MAPRE2: variants seen among roughly 807,000 people sequenced by gnomAD.
MAPRE2 encodes microtubule-associated protein RP/EB family member 2.
In MAPRE2, 13 loss-of-function variants were observed where a neutral mutation model predicts 43.2. The ratio of observed to expected loss-of-function variants is 0.30; its 90% CI spans 0.20 to 0.48. MAPRE2 has a LOEUF of 0.48. MAPRE2 is among the 20% of genes least tolerant of loss of function. The pLI, the probability that MAPRE2 is intolerant of heterozygous loss-of-function variation, is 0.99. For missense variants in MAPRE2, 161 were observed against 400.2 expected, an observed-to-expected ratio of 0.40 and a Z score of 5.10; for synonymous variants, 135 against 148.8, an observed-to-expected ratio of 0.91 and a Z score of 0.68.
At chr18:35,056,768 T>G (rs1011927280) in intron 1 of MAPRE2, among the ~76,000 whole-genome samples, 1 of 152,248 alleles carries the variant, frequency 6.6e-6, no homozygotes, top group Non-Finnish European at 1.5e-5. Context: ...TATTAACTAA[T>G]TGTTACTGTT....
chr18:35,073,297 A>T (rs1199985333), intron 2 of MAPRE2, among the ~76,000 whole-genome samples: 1 of 152,130 alleles, frequency 6.6e-6, no homozygotes, highest in Non-Finnish European at 1.5e-5. Context: ...CTATTTATTT[A>T]TTTATGAAAT....
chr18:35,117,256 C>T (rs1909454007), intron 4 of MAPRE2, among the ~76,000 whole-genome samples: 1 of 152,180 alleles, frequency 6.6e-6, no homozygotes, highest in Admixed American at 6.5e-5. Flanking sequence ...ATGGGGCTCA[C>T]CGCGGAGTTC....
chr18:35,070,454 G>A (rs1907054099), intron 2 of MAPRE2, 132 bp downstream of exon 2: 2 of 736,012 alleles, frequency 2.7e-6, no homozygotes, highest in Non-Finnish European at 4.0e-6. Flanking sequence ...AATTAAAGGG[G>A]GAAAAACTCA....
intron 2 of MAPRE2, among the ~76,000 whole-genome samples, chr18:35,075,754 C>CA (rs535904308): frequency 4.3e-4 from 60 of 139,882 alleles, no homozygotes; most frequent in South Asian, 3.9e-3. Flanking sequence ...AAGAAGGGGA[C>CA]AAAAAAAAAA....
At chr18:35,030,064 A>T (rs555437980) in intron 2 of MAPRE2, among the ~76,000 whole-genome samples, 3 of 152,318 alleles carry the variant, frequency 2.0e-5, no homozygotes, top group African/African-American at 7.2e-5. Context: ...AGGACAAGAA[A>T]ATTATTTTTT....
intron 1 of MAPRE2, among the ~76,000 whole-genome samples, chr18:35,054,396 G>T (rs1351554690): frequency 6.6e-6 from 1 of 152,132 alleles, no homozygotes; most frequent in East Asian, 1.9e-4. Flanking sequence ...AATGTCCTAG[G>T]CCTACTACTA....
chr18:35,039,042 G>A (rs1037979668), upstream of MAPRE2, among the ~76,000 whole-genome samples: 1 of 152,164 alleles, frequency 6.6e-6, no homozygotes, highest in African/African-American at 2.4e-5. Flanking sequence ...AAATTAGTTG[G>A]TATGATCAAT....
intron 4 of MAPRE2, among the ~76,000 whole-genome samples, chr18:35,107,030 A>C (rs1046270989): frequency 2.0e-5 from 3 of 152,222 alleles, no homozygotes; most frequent in African/African-American, 4.8e-5. Flanking sequence ...TGTAGTTACT[A>C]TAGCAACGAC....
At chr18:35,017,972 G>A (rs2097039502) in intron 2 of MAPRE2, among the ~76,000 whole-genome samples, 1 of 151,656 alleles carries the variant, frequency 6.6e-6, no homozygotes, top group Non-Finnish European at 1.5e-5. Flanking sequence ...GTCATAGATG[G>A]CTCTTATTAT....
At chr18:35,063,296 AT>A (rs1906642144) in intron 1 of MAPRE2, among the ~76,000 whole-genome samples, 1 of 151,606 alleles carries the variant, frequency 6.6e-6, no homozygotes, top group East Asian at 1.9e-4. Context: ...TTTAGTAGAG[AT>A]GGGGTTTCAC....
At chr18:35,125,480 C>G (rs2144234030) in intron 4 of MAPRE2, among the ~76,000 whole-genome samples, 1 of 152,344 alleles carries the variant, frequency 6.6e-6, no homozygotes, top group East Asian at 1.9e-4. Flanking sequence ...GTGCTACGCA[C>G]TGGGGTTACA....
chr18:35,087,436 G>A (rs939202060), intron 2 of MAPRE2, among the ~76,000 whole-genome samples: 2 of 152,078 alleles, frequency 1.3e-5, no homozygotes, highest in African/African-American at 4.8e-5. Flanking sequence ...AGCTTTTAAA[G>A]CTTATCTTTT....
At chr18:35,043,990 C>T (rs1199431034) in intron 1 of MAPRE2, among the ~76,000 whole-genome samples, 16 of 152,144 alleles carry the variant, frequency 1.1e-4, no homozygotes, top group Non-Finnish European at 1.5e-5. Flanking sequence ...GCTGAGGAAA[C>T]TTGGAAGGCA....
At chr18:35,021,340 A>G (rs9951874) in intron 2 of MAPRE2, among the ~76,000 whole-genome samples, 1 of 152,188 alleles carries the variant, frequency 6.6e-6, no homozygotes, top group South Asian at 2.1e-4. Context: ...AACAAAATTT[A>G]AAAAGGAGAG....
upstream of MAPRE2, among the ~76,000 whole-genome samples, chr18:35,036,471 G>T (rs563716875): frequency 6.6e-6 from 1 of 152,218 alleles, no homozygotes; most frequent in East Asian, 1.9e-4. Context: ...AAGCTCCTTA[G>T]CTTGGCCATA....
chr18:35,040,234 T>C (rs2097052947), upstream of MAPRE2, among the ~76,000 whole-genome samples: 2 of 152,162 alleles, frequency 1.3e-5, no homozygotes, highest in African/African-American at 2.4e-5. Context: ...AAATCTCTCC[T>C]CTCTGGAGGA....
intron 1 of MAPRE2, among the ~76,000 whole-genome samples, chr18:35,051,677 C>A (rs1905946369): frequency 6.6e-6 from 1 of 152,176 alleles, no homozygotes; most frequent in Non-Finnish European, 1.5e-5. Flanking sequence ...GTATAGTGGG[C>A]AAAGCTTGGC....
intron 1 of MAPRE2, among the ~76,000 whole-genome samples, chr18:35,049,003 A>C (rs1165225474): frequency 6.6e-6 from 1 of 152,102 alleles, no homozygotes; most frequent in Non-Finnish European, 1.5e-5. Context: ...GACACACTTT[A>C]GATTTCTGTG....
chr18:35,011,183 C>G (rs909192531), intron 2 of MAPRE2, among the ~76,000 whole-genome samples: 1 of 152,040 alleles, frequency 6.6e-6, no homozygotes, highest in Admixed American at 6.5e-5. Context: ...GTACAGGATG[C>G]CGTGGGAGTC....
Sources: gnomAD v4.1 joint callset for allele counts (sites outside exome capture counted in the v4.1 genomes callset) on GRCh38, gnomAD v4.1.1 for gene constraint, MANE v1.5 for transcripts, NCBI Gene and HGNC (gene_info 2026-07-23, HGNC 2026-07-21) for gene names.